Variants in TDRD9 observed in about 807,000 individuals in gnomAD.
TDRD9 encodes the protein ATP-dependent RNA helicase TDRD9.
In TDRD9, 124 loss-of-function variants were observed where a neutral mutation model predicts 172.6. That is an observed-to-expected ratio of 0.72 (90% CI 0.62 to 0.83). The LOEUF (loss-of-function observed/expected upper bound fraction) is 0.83. Ranked by LOEUF, TDRD9 falls within the 40% of genes least tolerant of loss-of-function variation. The pLI, the probability that TDRD9 is intolerant of heterozygous loss-of-function variation, is 0.00. For synonymous variants in TDRD9, 619 were observed against 617.1 expected (o/e 1.00, Z -0.05); for missense variants, 1,479 against 1,714.1 (o/e 0.86, Z 2.42).
intron 4 of TDRD9, 66 bp downstream of exon 4, chr14:103,965,620 G>A (rs1555366011): frequency 7.1e-7 from 1 of 1,404,084 alleles, no homozygotes; most frequent in African/African-American, 1.4e-5. Context: ...ATTTTATTAA[G>A]TTTTTTTCTG....
chr14:103,998,795 T>C, intron 13 of TDRD9, 67 bp downstream of exon 13: 1 of 799,816 alleles, frequency 1.3e-6, no homozygotes, highest in Non-Finnish European at 2.1e-6. Context: ...CAGGTGCTTT[T>C]TTTTTTTTTT....
intron 32 of TDRD9, among the ~76,000 whole-genome samples, chr14:104,035,662 TA>T (rs1204259177): frequency 6.6e-6 from 1 of 152,204 alleles, no homozygotes; most frequent in African/African-American, 2.4e-5. Flanking sequence ...GGGAAAGCAC[TA>T]ACATAGGTTT....
At chr14:104,024,799 G>T (rs561289356) in intron 25 of TDRD9, 119 bp downstream of exon 25, 2 of 465,796 alleles carry the variant, frequency 4.3e-6, no homozygotes, top group African/African-American at 2.0e-5. Flanking sequence ...CAGAACTTGT[G>T]CACCTTGGTA....
intron 28 of TDRD9, among the ~76,000 whole-genome samples, chr14:104,029,094 T>C (rs942998925): frequency 1.3e-5 from 2 of 152,200 alleles, no homozygotes; most frequent in African/African-American, 4.8e-5. Context: ...AGCTTTGTAG[T>C]GTATTTCTAA....
Position 103,980,939 on chromosome 14 carries a change from T to C in TDRD9, c.1012-5278T>C, listed in dbSNP as rs1180366025. On this transcript the variant is annotated intron_variant, in intron 7 of 35. Transcript: ENST00000409874. This position sits in a 1 kb window ranked among gnomAD's most constrained non-coding sequence, Gnocchi z 4.5. ...TGGCCTGGTTTTTCCTAGGTTATGATTGTAGAGCGAGAATTATTATAATAT... is the reference window on the plus strand; with the variant it reads ...TGGCCTGGTTTTTCCTAGGTTATGACTGTAGAGCGAGAATTATTATAATAT... Among the ~76,000 whole-genome samples the C allele has an allele frequency of 6.6e-6, 1 of 152,222 alleles. No homozygotes were observed. Among genetic ancestry groups the C allele is most frequent in the Non-Finnish European group, 1.5e-5 (1 of 68,036 alleles).
Position 103,970,523 on chromosome 14 carries a change from C to A in TDRD9, c.766-18C>A. ...TGCCTGATGCCATGTGGGGGGTGCC[C>A]CCTTTTTTATTTTGTAGGTACACGA... On this transcript the variant is annotated intron_variant, in intron 5 of 35. Transcript: ENST00000409874. 1 of 1,547,870 alleles carries A rather than the reference C, an allele frequency of 6.5e-7. No individual in the cohort carries two copies. Among genetic ancestry groups the A allele is most frequent in the South Asian group, 1.2e-5 (1 of 83,922 alleles).
intron 7 of TDRD9, among the ~76,000 whole-genome samples, chr14:103,979,043 T>G (rs138389297): frequency 1.2e-4 from 19 of 152,290 alleles, no homozygotes; most frequent in African/African-American, 4.6e-4. Context: ...CCCTATTGCC[T>G]CCTCCTTTCC....
At chr14:104,028,619 C>G (rs992307020) in intron 28 of TDRD9, among the ~76,000 whole-genome samples, 1 of 152,132 alleles carries the variant, frequency 6.6e-6, no homozygotes, top group African/African-American at 2.4e-5. Flanking sequence ...AATATTTTCT[C>G]CCATTCTACA....
intron 22 of TDRD9, 140 bp from the exon 23 acceptor site, chr14:104,017,949 TGTA>T: frequency 1.7e-6 from 1 of 597,082 alleles, no homozygotes; most frequent in Non-Finnish European, 3.0e-6. Flanking sequence ...TGCACTGATC[TGTA>T]GAGTTTATAT....
At chr14:104,043,147 C>T (rs1455477710) in intron 34 of TDRD9, among the ~76,000 whole-genome samples, 1 of 152,052 alleles carries the variant, frequency 6.6e-6, no homozygotes, top group African/African-American at 2.4e-5. Flanking sequence ...CCTCAGCCTC[C>T]CTAGTAGCAG....
chr14:103,950,767 G>C (rs921403549), intron 1 of TDRD9, among the ~76,000 whole-genome samples: 1 of 152,154 alleles, frequency 6.6e-6, no homozygotes, highest in Non-Finnish European at 1.5e-5. Context: ...AGTCATTAAT[G>C]TTAAAACCCT....
At chr14:103,971,503 GT>G (rs1178531135) in intron 6 of TDRD9, among the ~76,000 whole-genome samples, 2 of 151,806 alleles carry the variant, frequency 1.3e-5, no homozygotes, top group African/African-American at 4.8e-5. Flanking sequence ...TATAGATGGG[GT>G]TTTGCACCAG....
At position 104,022,259 on chromosome 14, in the gene TDRD9, C is replaced by T; in HGVS notation, c.2535C>T (p.Leu845=). Reference sequence around the variant, plus strand: ...CTCAACTAAAAGTTTCACTTGAACTCAGCGTTCATTCTGCAGAGGAAATTG... The same window carrying T: ...CTCAACTAAAAGTTTCACTTGAACTTAGCGTTCATTCTGCAGAGGAAATTG... The part of the protein sequence containing the change: ...KMSQLKVSLE[L]SVHSAEEIEG... The change falls in exon 24 of 36, where the codon CTC becomes CTT. Residue 845 remains leucine, a synonymous_variant. Transcript: ENST00000409874. 4 of 1,613,226 alleles carry T rather than the reference C, an allele frequency of 2.5e-6. No individual in the cohort carries two copies. The highest frequency in any genetic ancestry group is 3.4e-6 in the Non-Finnish European group (4 of 1,179,614).
rs540051527 is a variant in TDRD9 at position 103,945,498 on chromosome 14, T to A, written c.216-10166T>A. 3.9e-5 allele frequency: 6 copies of A among 152,330 alleles called. No individual in the cohort carries two copies. The South Asian group carries it at 1.2e-3, about 32-fold the overall frequency. 9.4% of individuals were successfully genotyped at this position (152,330 alleles called of 1,614,324 possible). A position where few individuals can be genotyped will look rare whatever the true frequency, so the allele number is the denominator to read the frequency against. ...AGTATTTCTTCTACTGCTGTGTAGA[T>A]AGAGAACATAAATATTTGTAAGCAA... On this transcript the variant is annotated intron_variant, in intron 1 of 35. Coordinates refer to ENST00000409874, the MANE Select transcript of TDRD9 (RefSeq NM_153046.3).
At chr14:103,939,764 T>TTTTTTTTTTTTTTTG (rs61621268) in intron 1 of TDRD9, 1 of 133,076 alleles carries the variant, frequency 7.5e-6, no homozygotes, top group African/African-American at 2.8e-5. Context: ...TTTTTTTTTT[T>TTTTTTTTTTTTTTTG]GAGACAAGGT....
rs117762589 is a variant in TDRD9, at chr14:103,989,971, C to G, written c.1116-1189C>G. 1.2e-3 allele frequency among the ~76,000 whole-genome samples: 177 copies of G among 152,336 alleles called. 2 individuals are homozygous for G. The East Asian group carries it at 0.033, about 29-fold the overall frequency. The stretch of plus-strand genomic sequence containing the variant: ...CTCCTTATTATCAGTCTTGCCATTT[C>G]CACATCCCTGACCAGCTGACCAAGC... On this transcript the variant is annotated intron_variant, in intron 8 of 35. Coordinates refer to ENST00000409874, the MANE Select transcript of TDRD9 (RefSeq NM_153046.3).
chr14:104,000,498 G>C (rs1187852081), intron 13 of TDRD9, among the ~76,000 whole-genome samples: 1 of 151,176 alleles, frequency 6.6e-6, no homozygotes, highest in African/African-American at 2.4e-5. Context: ...AAAATGACTA[G>C]AAATAGCTGG....
intron 30 of TDRD9, among the ~76,000 whole-genome samples, chr14:104,032,780 G>T (rs1375813877): frequency 6.6e-6 from 1 of 152,178 alleles, no homozygotes; most frequent in East Asian, 1.9e-4. Flanking sequence ...CGGGTGGGGG[G>T]CATAGAGGAA....
intron 6 of TDRD9, among the ~76,000 whole-genome samples, chr14:103,974,480 C>A (rs2033157748): frequency 6.6e-6 from 1 of 152,124 alleles, no homozygotes; most frequent in South Asian, 2.1e-4. Flanking sequence ...TCATCTTGCC[C>A]CAGTCTGGGG....
Sources: gnomAD v4.1 joint callset for allele counts (sites outside exome capture counted in the v4.1 genomes callset) on GRCh38, gnomAD v4.1.1 for gene constraint, Gnocchi (gnomAD v3.1) non-coding constraint, MANE v1.5 for transcripts, NCBI Gene and HGNC (gene_info 2026-07-23, HGNC 2026-07-21) for gene names.